Variants in RIN3 observed in about 807,000 individuals in gnomAD.
RIN3 encodes RAB5 interacting protein 3.
RIN3 carries 54 observed loss-of-function variants against 76.3 expected under a neutral mutation model. That is an observed-to-expected ratio of 0.71 (90% CI 0.57 to 0.89). RIN3 has a LOEUF of 0.89. Among genes scored for constraint, RIN3 ranks in the 40% least tolerant of loss-of-function variants. The probability of loss-of-function intolerance (pLI) is 0.00; values close to 1 mark genes in which losing one functional copy is unlikely to be tolerated. For missense variants in RIN3, 1,256 were observed against 1,322.1 expected (o/e 0.95, Z 0.78); for synonymous variants, 576 against 564.0 (o/e 1.02, Z -0.30).
chr14:92,599,058 G>A (rs1885250200), intron 3 of RIN3, among the ~76,000 whole-genome samples: 1 of 152,222 alleles, frequency 6.6e-6, no homozygotes, highest in Non-Finnish European at 1.5e-5. Context: ...GGAGAGTCCA[G>A]TGTGGCTGGT....
rs8017819 is a variant in RIN3, at chr14:92,526,513, G to A, written c.44+12537G>A. ...CTCAAGCCTATAATTCTAGCACTTT[G>A]GGAGGCCAAGACGGATGGATCTTGA... On this transcript the variant is annotated intron_variant, in intron 1 of 9. Coordinates refer to ENST00000216487, the MANE Select transcript of RIN3 (RefSeq NM_024832.5). Among the ~76,000 whole-genome samples, 246 of 152,012 alleles carry A rather than the reference G, an allele frequency of 1.6e-3. 2 individuals are homozygous for A. Among genetic ancestry groups the A allele is most frequent in the African/African-American group, 5.5e-3 (230 of 41,456 alleles).
chr14:92,623,192 A>G lies in RIN3; in HGVS notation c.440+7713A>G, dbSNP rs936538024. On this transcript the variant is annotated intron_variant, in intron 4 of 9. Transcript: ENST00000216487. The surrounding 1 kb of genome is among the most constrained non-coding windows in gnomAD (Gnocchi z 4.9). ...AGAATTTGTGGCTAATTCATCTGAT[A>G]AGGAGGTAAGACCTTGTAAAGCTTT... Among the ~76,000 whole-genome samples the G allele has an allele frequency of 6.6e-6, 1 of 152,246 alleles. No homozygotes were observed. Among genetic ancestry groups the G allele is most frequent in the Non-Finnish European group, 1.5e-5 (1 of 68,038 alleles).
intron 4 of RIN3, among the ~76,000 whole-genome samples, chr14:92,628,816 T>C (rs898080131): frequency 3.9e-5 from 6 of 152,132 alleles, no homozygotes; most frequent in Admixed American, 3.9e-4. Context: ...AAAGAATCCC[T>C]TCCCATTCTG....
At chr14:92,581,591 G>A (rs7157463) in intron 3 of RIN3, among the ~76,000 whole-genome samples, 5 of 151,862 alleles carry the variant, frequency 3.3e-5, no homozygotes, top group East Asian at 3.9e-4. Context: ...CGTCCTTTGC[G>A]CCATACTCCT....
In RIN3 at chr14:92,652,828, T is replaced by C. The variant is rs754898182; in HGVS notation, c.1779T>C (p.Ala593=). ...CCAGTTTCAGCAGCATGTTCCACGCTTTCCTCTCCAACAACCGCAAGCTGT... is the reference window on the plus strand; with the variant it reads ...CCAGTTTCAGCAGCATGTTCCACGCCTTCCTCTCCAACAACCGCAAGCTGT... ...SFASFSSMFH[A]FLSNNRKLYK... Residue 593 remains alanine, a synonymous_variant, in exon 6 of 10, where the codon GCT becomes GCC. Transcript: ENST00000216487. The surrounding 1 kb of genome is among the most constrained non-coding windows in gnomAD (Gnocchi z 6.4). 1 of 1,614,068 alleles carries C rather than the reference T, an allele frequency of 6.2e-7. No homozygotes were observed. Among genetic ancestry groups the C allele is most frequent in the Non-Finnish European group, 8.5e-7 (1 of 1,180,036 alleles).
chr14:92,687,440 C>G (rs892319309), intron 9 of RIN3: 9 of 155,530 alleles, frequency 5.8e-5, no homozygotes, highest in African/African-American at 2.2e-4. Context: ...CCCTGCCCCA[C>G]GCAGCTCCTC....
chr14:92,576,933 G>A (rs968208717), intron 2 of RIN3, among the ~76,000 whole-genome samples: 2 of 152,108 alleles, frequency 1.3e-5, no homozygotes, highest in Admixed American at 6.5e-5. Context: ...GGTGAGAGTT[G>A]AAATTCAACC....
At chr14:92,663,248 A>T (rs1266863718) in intron 7 of RIN3, among the ~76,000 whole-genome samples, 1 of 152,244 alleles carries the variant, frequency 6.6e-6, no homozygotes, top group Non-Finnish European at 1.5e-5. Context: ...AAAGTCAAAC[A>T]CCGTGATTTT....
chr14:92,515,278 C>T, intron 1 of RIN3: 1 of 698,766 alleles, frequency 1.4e-6, no homozygotes. Context: ...AACCCTCACA[C>T]CCACTTGCAA....
chr14:92,639,974 C>T (rs1297275592), intron 4 of RIN3, among the ~76,000 whole-genome samples: 3 of 139,562 alleles, frequency 2.1e-5, no homozygotes, highest in Admixed American at 1.5e-4. Context: ...GTGTGTTCGT[C>T]GGGGGCTGCC....
chr14:92,522,493 G>A (rs1454011594), intron 1 of RIN3, among the ~76,000 whole-genome samples: 1 of 152,130 alleles, frequency 6.6e-6, no homozygotes, highest in Non-Finnish European at 1.5e-5. Flanking sequence ...TGTTACCTCT[G>A]GTACACATTC....
intron 2 of RIN3, among the ~76,000 whole-genome samples, chr14:92,557,119 A>G (rs1489808505): frequency 6.6e-6 from 1 of 152,200 alleles, no homozygotes; most frequent in Non-Finnish European, 1.5e-5. Context: ...ATGCATATTC[A>G]TGCATATTCA....
chr14:92,614,431 C>T (rs563974059), intron 3 of RIN3, among the ~76,000 whole-genome samples: 5 of 152,162 alleles, frequency 3.3e-5, no homozygotes, highest in Non-Finnish European at 7.4e-5. Context: ...TTTAATTCTG[C>T]ATTTACAGTC....
At chr14:92,570,659 C>CAAA (rs11393617) in intron 2 of RIN3, among the ~76,000 whole-genome samples, 8 of 144,906 alleles carry the variant, frequency 5.5e-5, no homozygotes, top group African/African-American at 7.6e-5. Flanking sequence ...GAGACTGTCT[C>CAAA]AAAAAAAAAA....
At chr14:92,561,044 A>AATATATATAT (rs1555383857) in intron 2 of RIN3, among the ~76,000 whole-genome samples, 13 of 24,400 alleles carry the variant, frequency 5.3e-4, no homozygotes, top group African/African-American at 1.6e-3. Flanking sequence ...AAAAAAAAAA[A>AATATATATAT]ATATATATAT....
intron 1 of RIN3, among the ~76,000 whole-genome samples, chr14:92,529,483 C>T (rs759866429): frequency 1.1e-4 from 17 of 152,074 alleles, no homozygotes; most frequent in South Asian, 2.1e-4. Context: ...CTCCTGACCT[C>T]GTGATCCGCC....
intron 4 of RIN3, among the ~76,000 whole-genome samples, chr14:92,634,148 C>T (rs1272754377): frequency 6.8e-6 from 1 of 147,642 alleles, no homozygotes; most frequent in Non-Finnish European, 1.5e-5. Context: ...GATCTTGGCT[C>T]ACTGCAACCT....
intron 5 of RIN3, among the ~76,000 whole-genome samples, chr14:92,651,163 C>T (rs557945983): frequency 2.0e-5 from 3 of 152,236 alleles, no homozygotes; most frequent in African/African-American, 7.2e-5. Context: ...AACCACCTGC[C>T]CCAGAGCACC....
Position 92,659,215 on chromosome 14 carries a change from C to T in RIN3, c.2081C>T (p.Ala694Val). 6.2e-7 allele frequency: 1 copy of T among 1,614,162 alleles called. No homozygotes were observed. Among genetic ancestry groups the T allele is most frequent in the Non-Finnish European group, 8.5e-7 (1 of 1,180,012 alleles). The change falls in exon 7 of 10, where the codon GCC (alanine) becomes GTC (valine). Residue 694 changes from alanine (A) to valine (V), a missense_variant. This residue lies in a region of RIN3 where 428 missense variants were observed against 521.2 expected (regional missense o/e 0.82). Transcript: ENST00000216487. ...YKCVLKPLKE[A>V]INSCLHQIHS... ...TGTGTCCTGAAGCCCCTGAAGGAAG[C>T]CATCAACTCATGCCTGCATCAGATC...
Sources: gnomAD v4.1 joint callset for allele counts (sites outside exome capture counted in the v4.1 genomes callset) on GRCh38, gnomAD v4.1.1 for gene constraint, gnomAD v4.1.1 regional missense constraint, Gnocchi (gnomAD v3.1) non-coding constraint, MANE v1.5 for transcripts, NCBI Gene and HGNC (gene_info 2026-07-23, HGNC 2026-07-21) for gene names.